PIGX: variants seen among roughly 807,000 people sequenced by gnomAD.
The protein encoded by PIGX is phosphatidylinositol glycan anchor biosynthesis class X.
In PIGX, 24 loss-of-function variants were observed where a neutral mutation model predicts 28.7. That is an observed-to-expected ratio of 0.84 (90% CI 0.60 to 1.17). The LOEUF is 1.17. Ranked by LOEUF, PIGX falls within the 50% of genes most tolerant of loss-of-function variation. PIGX has a pLI of 0.00. For synonymous variants in PIGX, 127 were observed against 121.0 expected (o/e 1.05, Z -0.33); for missense variants, 305 against 317.8 (o/e 0.96, Z 0.31).
intron 2 of PIGX, among the ~76,000 whole-genome samples, chr3:196,717,408 CAAGT>C (rs1341752344): frequency 6.6e-6 from 1 of 151,540 alleles, no homozygotes; most frequent in Non-Finnish European, 1.5e-5. Flanking sequence ...AAGAAGAAAA[CAAGT>C]ATGTATTGTT....
At chr3:196,718,626 C>T (rs544481312) in intron 2 of PIGX, among the ~76,000 whole-genome samples, 34 of 151,474 alleles carry the variant, frequency 2.2e-4, no homozygotes, top group African/African-American at 8.1e-4. Flanking sequence ...TTGCTAATAA[C>T]TTGCTTAGTA....
intron 2 of PIGX, among the ~76,000 whole-genome samples, chr3:196,722,076 A>C (rs1047472967): frequency 6.6e-6 from 1 of 152,136 alleles, no homozygotes; most frequent in African/African-American, 2.4e-5. Context: ...TTCTGTGTAA[A>C]TATCCAGTTG....
chr3:196,729,697 C>G (rs1712670629), intron 4 of PIGX, among the ~76,000 whole-genome samples: 2 of 150,184 alleles, frequency 1.3e-5, no homozygotes, highest in South Asian at 4.3e-4. Context: ...AAGACATTTT[C>G]TTTAGTTTAC....
chr3:196,719,810 G>C lies in PIGX; in HGVS notation c.177-2605G>C, dbSNP rs547694614. On this transcript the variant is annotated intron_variant, in intron 2 of 5. Transcript: ENST00000392391. ...TTACAATTTTAACTTTTTTTTTTTT[G>C]GTATGGGGTCTCGCTCTGTTGCCAG... Among the ~76,000 whole-genome samples, 17 of 141,112 alleles carry C rather than the reference G, an allele frequency of 1.2e-4. 1 individual carries two copies. The highest frequency in any genetic ancestry group is 1.5e-4 in the Non-Finnish European group (10 of 65,504). 92.6% of individuals were successfully genotyped at this position (141,112 alleles called of 152,430 possible).
At chr3:196,720,486 C>A (rs1577672556) in intron 2 of PIGX, among the ~76,000 whole-genome samples, 1 of 152,136 alleles carries the variant, frequency 6.6e-6, no homozygotes, top group Admixed American at 6.5e-5. Flanking sequence ...TTGGCTGTTG[C>A]AAATAATGCC....
chr3:196,712,757 G>C, intron 1 of PIGX, 113 bp downstream of exon 1: 1 of 1,102,458 alleles, frequency 9.1e-7, no homozygotes, highest in Non-Finnish European at 1.1e-6. Context: ...TCAGTAGGGC[G>C]AGCCGGAGGA....
chr3:196,722,133 C>T (rs1026415475), intron 2 of PIGX, among the ~76,000 whole-genome samples: 1 of 152,174 alleles, frequency 6.6e-6, no homozygotes, highest in African/African-American at 2.4e-5. Context: ...CATTAAATTA[C>T]GTTGGTACCT....
At chr3:196,732,278 T>TTA (rs1560080840) in intron 5 of PIGX, among the ~76,000 whole-genome samples, 3 of 72,060 alleles carry the variant, frequency 4.2e-5, no homozygotes, top group African/African-American at 1.9e-4. Flanking sequence ...TTTATTTTTT[T>TTA]TTTTATTTTA....
chr3:196,727,713 GT>G (rs1007505381), intron 3 of PIGX, among the ~76,000 whole-genome samples: 2 of 151,220 alleles, frequency 1.3e-5, no homozygotes, highest in African/African-American at 2.4e-5. Flanking sequence ...AATTTCCCCA[GT>G]TTTTTTTTAG....
intron 1 of PIGX, among the ~76,000 whole-genome samples, chr3:196,714,035 T>C (rs1711975501): frequency 6.6e-6 from 1 of 152,204 alleles, no homozygotes; most frequent in African/African-American, 2.4e-5. Context: ...CCGGTCCCAA[T>C]GATCAACTGC....
At chr3:196,712,959 C>G (rs958595041) in intron 1 of PIGX, 5 of 1,004,804 alleles carry the variant, frequency 5.0e-6, no homozygotes, top group Non-Finnish European at 5.9e-6. Flanking sequence ...CACGAAGCTT[C>G]TGATCACCAA....
At chr3:196,727,884 C>A in intron 3 of PIGX, 39 bp from the exon 4 acceptor site, 1 of 1,365,980 alleles carries the variant, frequency 7.3e-7, no homozygotes, top group South Asian at 1.2e-5. Flanking sequence ...CTTCCTCATT[C>A]ATTTCTTCTT....
chr3:196,717,504 C>A (rs1413501142), intron 2 of PIGX, among the ~76,000 whole-genome samples: 3 of 152,088 alleles, frequency 2.0e-5, no homozygotes, highest in Non-Finnish European at 2.9e-5. Flanking sequence ...TCCTCAGATG[C>A]TCAAGTTCCC....
chr3:196,716,037 A>G (rs1712084156), intron 1 of PIGX, among the ~76,000 whole-genome samples: 1 of 152,060 alleles, frequency 6.6e-6, no homozygotes, highest in South Asian at 2.1e-4. Context: ...TTTAGAGACA[A>G]GGTCTCTCTC....
At chr3:196,724,665 T>G (rs1414272963) in intron 3 of PIGX, among the ~76,000 whole-genome samples, 4 of 152,228 alleles carry the variant, frequency 2.6e-5, no homozygotes, top group Non-Finnish European at 4.4e-5. Context: ...ATAAGCCTTG[T>G]AAGTGTATTT....
At position 196,734,558 on chromosome 3, in the gene PIGX, G is replaced by T. The variant is rs1679195887; in HGVS notation, c.*656G>T. The T allele has an allele frequency of 1.3e-5, 2 of 152,042 alleles. No individual in the cohort carries two copies. Among genetic ancestry groups the T allele is most frequent in the Admixed American group, 1.3e-4 (2 of 15,252 alleles). The allele number at this position is 152,042 out of a possible 1,614,324, so 9.4% of individuals were successfully genotyped here. A position where few individuals can be genotyped will look rare whatever the true frequency, so the allele number is the denominator to read the frequency against. On this transcript the variant is annotated 3_prime_UTR_variant, in exon 6 of 6. Coordinates refer to ENST00000392391, the MANE Select transcript of PIGX (RefSeq NM_017861.4). ...AGCCTGGGCGACAGAACGAGACCCTGTCTCCAAAGGAAAAACAAAAAAGAA... is the reference window on the plus strand; with the variant it reads ...AGCCTGGGCGACAGAACGAGACCCTTTCTCCAAAGGAAAAACAAAAAAGAA...
Position 196,716,865 on chromosome 3 carries a change from G to A in PIGX, c.120G>A (p.Arg40=), listed in dbSNP as rs759622427. The change falls in exon 2 of 6, where the codon AGG becomes AGA. Residue 40 remains arginine, a synonymous_variant. Transcript: ENST00000392391. ...ATCGTTTGGTTCTTATAGGCATAAGGGCCATGTGTTCTGAAATTATTTTGA... is the reference window on the plus strand; with the variant it reads ...ATCGTTTGGTTCTTATAGGCATAAGAGCCATGTGTTCTGAAATTATTTTGA... 5 of 1,598,762 alleles carry A rather than the reference G, an allele frequency of 3.1e-6. No homozygotes were observed. Among genetic ancestry groups the A allele is most frequent in the Non-Finnish European group, 4.3e-6 (5 of 1,167,246 alleles).
chr3:196,712,994 C>G, intron 1 of PIGX: 1 of 993,386 alleles, frequency 1.0e-6, no homozygotes, highest in Non-Finnish European at 1.2e-6. Flanking sequence ...CCTTAGCGCC[C>G]TGTGAGGCCT....
intron 2 of PIGX, chr3:196,721,169 T>C: frequency 2.6e-6 from 1 of 379,690 alleles, no homozygotes; most frequent in South Asian, 2.0e-5. Context: ...TTCTCTTCTC[T>C]TTTTTAGGAA....
Sources: allele counts gnomAD v4.1 joint callset (sites outside exome capture counted in the v4.1 genomes callset), GRCh38; gene constraint gnomAD v4.1.1; transcripts MANE v1.5; gene names NCBI Gene and HGNC (gene_info 2026-07-23, HGNC 2026-07-21).